DLG2: variants seen among roughly 807,000 people sequenced by gnomAD.
DLG2 encodes the protein discs large MAGUK scaffold protein 2.
In DLG2, 45 loss-of-function variants were observed where a neutral mutation model predicts 132.5. That is an observed-to-expected ratio of 0.34 (90% CI 0.27 to 0.44). DLG2 has a LOEUF of 0.44. Among genes scored for constraint, DLG2 ranks in the 20% least tolerant of loss-of-function variants. DLG2 has a pLI of 1.00. For missense variants in DLG2, 1,045 were observed against 1,196.9 expected, an observed-to-expected ratio of 0.87 and a Z score of 1.87; for synonymous variants, 424 against 419.6, an observed-to-expected ratio of 1.01 and a Z score of -0.13.
chr11:84,467,964 C>T (rs538955886), intron 7 of DLG2, among the ~76,000 whole-genome samples: 1 of 151,548 alleles, frequency 6.6e-6, no homozygotes, highest in East Asian at 1.9e-4. Context: ...GAAATATGAA[C>T]ATTTATTGTA....
chr11:83,997,079 C>T (rs957043981), intron 11 of DLG2, among the ~76,000 whole-genome samples: 2 of 150,194 alleles, frequency 1.3e-5, no homozygotes, highest in African/African-American at 2.5e-5. Context: ...TCATGTACCC[C>T]GTAAATATAT....
intron 7 of DLG2, among the ~76,000 whole-genome samples, chr11:84,422,194 T>C (rs1207062280): frequency 6.6e-6 from 1 of 152,214 alleles, no homozygotes; most frequent in Non-Finnish European, 1.5e-5. Flanking sequence ...TAATTACTAC[T>C]TATTATAGTG....
intron 3 of DLG2, among the ~76,000 whole-genome samples, chr11:85,358,045 T>C (rs1004341187): frequency 6.6e-6 from 1 of 151,170 alleles, no homozygotes; most frequent in Non-Finnish European, 1.5e-5. Flanking sequence ...AACCCTAAGA[T>C]GGTGATTAAG....
In DLG2 at chr11:85,033,355, T is replaced by C. The variant is rs1384336085; in HGVS notation, c.357+78306A>G. 5.2e-5 allele frequency among the ~76,000 whole-genome samples: 7 copies of C among 134,314 alleles called. No individual in the cohort carries two copies. The East Asian group carries it at 1.5e-3, about 29-fold the overall frequency. 88.1% of individuals were successfully genotyped at this position (134,314 alleles called of 152,430 possible). ...CCCAGAAATAAAGGCTAGCATGTGCTCCTTACTGCATTTCAAACAATATAT... is the reference window on the plus strand; with the variant it reads ...CCCAGAAATAAAGGCTAGCATGTGCCCCTTACTGCATTTCAAACAATATAT... On this transcript the variant is annotated intron_variant, in intron 6 of 27. Coordinates refer to ENST00000376104, the MANE Select transcript of DLG2 (RefSeq NM_001142699.3).
intron 18 of DLG2, among the ~76,000 whole-genome samples, chr11:83,711,103 C>G (rs947360284): frequency 6.6e-6 from 1 of 152,112 alleles, no homozygotes; most frequent in African/African-American, 2.4e-5. Context: ...AGTCACCAAC[C>G]CCCTTATTGA....
chr11:85,118,427 A>T (rs1310889057), intron 5 of DLG2, among the ~76,000 whole-genome samples: 1 of 152,052 alleles, frequency 6.6e-6, no homozygotes, highest in African/African-American at 2.4e-5. Flanking sequence ...AGAGGATTAA[A>T]CACTCTACAT....
At chr11:85,528,304 T>A (rs2074941110) in intron 3 of DLG2, among the ~76,000 whole-genome samples, 1 of 152,200 alleles carries the variant, frequency 6.6e-6, no homozygotes, top group Non-Finnish European at 1.5e-5. Flanking sequence ...CTTCTAGGAT[T>A]TTCATGGTTT....
chr11:85,304,920 C>G (rs752687303), intron 3 of DLG2, among the ~76,000 whole-genome samples: 4 of 152,148 alleles, frequency 2.6e-5, no homozygotes, highest in Non-Finnish European at 4.4e-5. Context: ...TATTTATTGT[C>G]TGTCTTCTCC....
chr11:84,991,733 T>C (rs944092991), intron 6 of DLG2, among the ~76,000 whole-genome samples: 1 of 152,140 alleles, frequency 6.6e-6, no homozygotes, highest in Non-Finnish European at 1.5e-5. Flanking sequence ...GATGTTACTA[T>C]TGCGAAAAAC....
chr11:83,670,796 T>C (rs1179743712), intron 18 of DLG2, among the ~76,000 whole-genome samples: 4 of 152,176 alleles, frequency 2.6e-5, no homozygotes, highest in Non-Finnish European at 5.9e-5. Context: ...GGCATGTACA[T>C]GTTAACATTA....
chr11:84,743,326 T>C (rs1265697771), intron 6 of DLG2, among the ~76,000 whole-genome samples: 3 of 152,198 alleles, frequency 2.0e-5, no homozygotes, highest in Admixed American at 6.5e-5. Flanking sequence ...AAGTTATCTA[T>C]TGATTTATAG....
At chr11:84,247,060 C>A (rs2097311463) in intron 8 of DLG2, among the ~76,000 whole-genome samples, 1 of 152,036 alleles carries the variant, frequency 6.6e-6, no homozygotes, top group Admixed American at 6.6e-5. Flanking sequence ...TCAAGTATAC[C>A]TCTCTCAACA....
At chr11:84,435,062 A>G (rs2098996640) in intron 7 of DLG2, among the ~76,000 whole-genome samples, 1 of 152,234 alleles carries the variant, frequency 6.6e-6, no homozygotes, top group East Asian at 1.9e-4. Flanking sequence ...TCTAAACAAA[A>G]TTCAATAATA....
intron 6 of DLG2, among the ~76,000 whole-genome samples, chr11:84,882,351 GT>G (rs1300614204): frequency 6.6e-6 from 1 of 152,052 alleles, no homozygotes; most frequent in Non-Finnish European, 1.5e-5. Flanking sequence ...GTGAGGACAT[GT>G]TTATTTTCTT....
intron 3 of DLG2, among the ~76,000 whole-genome samples, chr11:85,588,925 T>A (rs956681800): frequency 6.6e-6 from 1 of 152,132 alleles, no homozygotes; most frequent in Non-Finnish European, 1.5e-5. Flanking sequence ...CAGACTGCAG[T>A]GACTGGTATT....
chr11:84,523,604 G>C (rs962709636), intron 7 of DLG2, among the ~76,000 whole-genome samples: 2 of 152,206 alleles, frequency 1.3e-5, no homozygotes, highest in Non-Finnish European at 2.9e-5. Flanking sequence ...GAGGGATGTA[G>C]AAGTTACGTA....
rs1317592721 is a variant in DLG2 at position 84,483,425 on chromosome 11, C to T, written c.519+51145G>A. On this transcript the variant is annotated intron_variant, in intron 7 of 27. Coordinates refer to ENST00000376104, the MANE Select transcript of DLG2 (RefSeq NM_001142699.3). ...CAGCCTGTGCAACAGAGCCAGACTC[C>T]GCCTCAAAAAAAAAAAAAAAAAAAA... is the stretch of plus-strand genomic sequence containing the variant. Among the ~76,000 whole-genome samples, 13 of 74,192 alleles carry T rather than the reference C, an allele frequency of 1.8e-4. 1 individual carries two copies. The highest frequency in any genetic ancestry group is 5.0e-4 in the African/African-American group (7 of 14,052). 48.7% of individuals were successfully genotyped at this position (74,192 alleles called of 152,430 possible).
intron 11 of DLG2, among the ~76,000 whole-genome samples, chr11:84,057,325 T>C (rs2096521214): frequency 6.6e-6 from 1 of 152,148 alleles, no homozygotes; most frequent in Admixed American, 6.6e-5. Context: ...CTTTACTGAG[T>C]GGTTAAAATT....
At chr11:84,447,397 A>G (rs2099038480) in intron 7 of DLG2, among the ~76,000 whole-genome samples, 2 of 152,168 alleles carry the variant, frequency 1.3e-5, no homozygotes, top group African/African-American at 2.4e-5. Flanking sequence ...TACATGCTCA[A>G]TATTATGAAA....
Sources: allele counts gnomAD v4.1 joint callset (sites outside exome capture counted in the v4.1 genomes callset), GRCh38; gene constraint gnomAD v4.1.1; transcripts MANE v1.5; gene names NCBI Gene and HGNC (gene_info 2026-07-23, HGNC 2026-07-21).